Variants in GPC6 observed in about 807,000 individuals in gnomAD.
GPC6 encodes the protein glypican-6.
GPC6 carries 14 observed loss-of-function variants against 55.2 expected under a neutral mutation model. That is an observed-to-expected ratio of 0.25 (90% confidence interval 0.17 to 0.40). GPC6 has a LOEUF of 0.40. Among genes scored for constraint, GPC6 ranks in the 10% least tolerant of loss-of-function variants. The pLI, the probability that GPC6 is intolerant of heterozygous loss-of-function variation, is 1.00. For missense variants in GPC6, 641 were observed against 708.5 expected (o/e 0.90, Z 1.08); for synonymous variants, 278 against 259.6 (o/e 1.07, Z -0.68).
intron 2 of GPC6, among the ~76,000 whole-genome samples, chr13:93,704,100 GC>G (rs1447067749): frequency 6.6e-6 from 1 of 151,844 alleles, no homozygotes; most frequent in Non-Finnish European, 1.5e-5. Context: ...GCCCAATATT[GC>G]CCATATTTAT....
intron 6 of GPC6, among the ~76,000 whole-genome samples, chr13:94,377,180 A>G (rs1258243252): frequency 6.6e-6 from 1 of 151,978 alleles, no homozygotes; most frequent in Non-Finnish European, 1.5e-5. Flanking sequence ...CAATGGCAAC[A>G]AAAGACACAA....
chr13:93,337,100 A>G (rs928492428), intron 1 of GPC6, among the ~76,000 whole-genome samples: 1 of 152,230 alleles, frequency 6.6e-6, no homozygotes, highest in Non-Finnish European at 1.5e-5. Flanking sequence ...GTCCTGTTCC[A>G]GTGGCCATTA....
chr13:93,304,123 C>A (rs1878775843), intron 1 of GPC6, among the ~76,000 whole-genome samples: 1 of 152,094 alleles, frequency 6.6e-6, no homozygotes, highest in African/African-American at 2.4e-5. Flanking sequence ...GCCTCGGCCT[C>A]CCACAGTGCT....
intron 3 of GPC6, among the ~76,000 whole-genome samples, chr13:94,013,030 G>T (rs1160926816): frequency 6.6e-6 from 1 of 152,130 alleles, no homozygotes; most frequent in African/African-American, 2.4e-5. Context: ...TTAAAGTTCG[G>T]AATGTCAAGC....
chr13:93,245,175 C>A (rs1876556795), intron 1 of GPC6, among the ~76,000 whole-genome samples: 1 of 152,186 alleles, frequency 6.6e-6, no homozygotes, highest in Non-Finnish European at 1.5e-5. Context: ...TGAACAATTT[C>A]AAGCTACCAA....
intron 1 of GPC6, among the ~76,000 whole-genome samples, chr13:93,308,333 A>G (rs1594086944): frequency 1.3e-5 from 2 of 152,218 alleles, no homozygotes; most frequent in African/African-American, 4.8e-5. Context: ...TGAGGGCATA[A>G]CTTATAATTA....
intron 3 of GPC6, among the ~76,000 whole-genome samples, chr13:93,921,575 C>A (rs1256531552): frequency 6.6e-6 from 1 of 151,934 alleles, no homozygotes; most frequent in African/African-American, 2.4e-5. Context: ...TCTCTCTGAA[C>A]TTCCCCAGCC....
At chr13:94,134,645 A>G (rs1887118946) in intron 4 of GPC6, among the ~76,000 whole-genome samples, 1 of 152,158 alleles carries the variant, frequency 6.6e-6, no homozygotes, top group South Asian at 2.1e-4. Flanking sequence ...AAAATTATGG[A>G]ATGTGTTAAA....
intron 1 of GPC6, among the ~76,000 whole-genome samples, chr13:93,507,490 A>G (rs551157114): frequency 2.0e-4 from 30 of 152,338 alleles, no homozygotes; most frequent in African/African-American, 7.2e-4. Flanking sequence ...AGCTATTTAT[A>G]GAAAAAGATC....
At chr13:93,739,897 A>G (rs955554642) in intron 2 of GPC6, among the ~76,000 whole-genome samples, 3 of 152,220 alleles carry the variant, frequency 2.0e-5, no homozygotes, top group African/African-American at 7.2e-5. Flanking sequence ...TAAAATACAT[A>G]ATTTGTCAGA....
intron 2 of GPC6, among the ~76,000 whole-genome samples, chr13:93,596,401 T>C (rs1158856381): frequency 1.3e-5 from 2 of 151,872 alleles, no homozygotes; most frequent in Non-Finnish European, 2.9e-5. Flanking sequence ...TTAGGGGGAA[T>C]ATTGAGTGAT....
At chr13:94,154,161 C>G (rs1439535819) in intron 4 of GPC6, 1 of 151,896 alleles carries the variant, frequency 6.6e-6, no homozygotes, top group Non-Finnish European at 1.5e-5. Context: ...TATTAAGATG[C>G]CAATTTAGCA....
At chr13:93,711,394 C>T (rs186531475) in intron 2 of GPC6, among the ~76,000 whole-genome samples, 1 of 151,616 alleles carries the variant, frequency 6.6e-6, no homozygotes, top group South Asian at 2.1e-4. Context: ...CAGCAAGAAC[C>T]CGCCCCCAAG....
intron 2 of GPC6, among the ~76,000 whole-genome samples, chr13:93,691,443 A>G (rs1490311383): frequency 6.8e-6 from 1 of 147,756 alleles, no homozygotes; most frequent in Non-Finnish European, 1.5e-5. Context: ...TGAAAGGAAA[A>G]TTTGGCTTCT....
intron 3 of GPC6, among the ~76,000 whole-genome samples, chr13:93,895,096 CTA>C (rs1200991540): frequency 2.7e-5 from 4 of 146,846 alleles, no homozygotes; most frequent in African/African-American, 1.0e-4. Flanking sequence ...CCATATATGT[CTA>C]TATATATATT....
At chr13:93,276,156 G>A (rs1240702409) in intron 1 of GPC6, among the ~76,000 whole-genome samples, 1 of 152,136 alleles carries the variant, frequency 6.6e-6, no homozygotes, top group Non-Finnish European at 1.5e-5. Flanking sequence ...TTACAGGCGT[G>A]AGCCACCGCG....
chr13:93,856,773 A>C (rs1566572256), intron 3 of GPC6, among the ~76,000 whole-genome samples: 1 of 151,550 alleles, frequency 6.6e-6, no homozygotes, highest in Non-Finnish European at 1.5e-5. Flanking sequence ...GGAGAAACAA[A>C]CCAGGAATGG....
intron 1 of GPC6, among the ~76,000 whole-genome samples, chr13:93,434,224 A>C (rs2139278786): frequency 6.6e-6 from 1 of 152,278 alleles, no homozygotes; most frequent in Middle Eastern, 3.4e-3. Context: ...CACAGAACAG[A>C]TCAATAGAAA....
At chr13:93,680,378 A>C (rs946377775) in intron 2 of GPC6, among the ~76,000 whole-genome samples, 2 of 152,162 alleles carry the variant, frequency 1.3e-5, no homozygotes, top group Non-Finnish European at 2.9e-5. Flanking sequence ...ATAGTGAGAC[A>C]GTTCATTTCT....
Sources: allele counts gnomAD v4.1 joint callset (sites outside exome capture counted in the v4.1 genomes callset), GRCh38; gene constraint gnomAD v4.1.1; transcripts MANE v1.5; gene names NCBI Gene and HGNC (gene_info 2026-07-23, HGNC 2026-07-21).